TRPC4AP: variants seen among roughly 807,000 people sequenced by gnomAD.
TRPC4AP encodes the protein short transient receptor potential channel 4-associated protein.
A neutral mutation model predicts 99.0 loss-of-function variants in TRPC4AP; 45 were observed. The ratio of observed to expected loss-of-function variants is 0.45; its 90% confidence interval spans 0.36 to 0.58. The LOEUF (loss-of-function observed/expected upper bound fraction) is 0.58, where lower values mean the gene tolerates loss of function less well. Ranked by LOEUF, TRPC4AP falls within the 20% of genes least tolerant of loss-of-function variation. TRPC4AP has a pLI of 0.00. For missense variants in TRPC4AP, 879 were observed against 985.3 expected (o/e 0.89, Z 1.44); for synonymous variants, 408 against 385.8 (o/e 1.06, Z -0.67).
chr20:35,035,255 G>C lies in TRPC4AP; in HGVS notation c.919C>G (p.Arg307Gly). 14 of 1,614,088 alleles carry C rather than the reference G, an allele frequency of 8.7e-6. No individual in the cohort carries two copies. The highest frequency in any genetic ancestry group is 1.2e-5 in the Non-Finnish European group (14 of 1,180,012). Residue 307 changes from arginine to glycine, a missense_variant, in exon 8 of 19, where the codon CGA (arginine) becomes GGA (glycine). Coordinates refer to ENST00000252015, the MANE Select transcript of TRPC4AP (RefSeq NM_015638.3). ...FVERLCKLAT[R>G]KVSESTGTAS... Reference sequence around the variant, plus strand: ...GTGCCCGTTGACTCTGACACCTTTCGAGTCGCCAGTTTGCAAAGCCGCTCA... The same window carrying C: ...GTGCCCGTTGACTCTGACACCTTTCCAGTCGCCAGTTTGCAAAGCCGCTCA...
intron 2 of TRPC4AP, among the ~76,000 whole-genome samples, chr20:35,073,536 G>T (rs1267206216): frequency 1.3e-5 from 2 of 152,056 alleles, no homozygotes; most frequent in Non-Finnish European, 2.9e-5. Context: ...TTATCATGTG[G>T]TTTTTGTCTT....
At chr20:35,046,120 T>C (rs1482991588) in intron 6 of TRPC4AP, among the ~76,000 whole-genome samples, 4 of 152,244 alleles carry the variant, frequency 2.6e-5, no homozygotes, top group Non-Finnish European at 5.9e-5. Flanking sequence ...TTCTTGACTT[T>C]ACCAGAAATA....
At chr20:35,084,470 GTA>G (rs998787462) in intron 1 of TRPC4AP, among the ~76,000 whole-genome samples, 2 of 118,744 alleles carry the variant, frequency 1.7e-5, no homozygotes, top group African/African-American at 2.7e-5. Flanking sequence ...GTGTATATAT[GTA>G]TATATGTGTA....
At chr20:35,036,133 G>C (rs115467409) in intron 7 of TRPC4AP, among the ~76,000 whole-genome samples, 1 of 152,074 alleles carries the variant, frequency 6.6e-6, no homozygotes, top group African/African-American at 2.4e-5. Flanking sequence ...AATTCTGATC[G>C]GCATATTAGA....
chr20:35,087,534 G>T (rs2084921886), intron 1 of TRPC4AP, among the ~76,000 whole-genome samples: 1 of 152,086 alleles, frequency 6.6e-6, no homozygotes, highest in South Asian at 2.1e-4. Flanking sequence ...GACCTGTAAT[G>T]TGAGCTGCAC....
intron 1 of TRPC4AP, among the ~76,000 whole-genome samples, chr20:35,081,353 AG>A (rs1210695946): frequency 1.3e-5 from 2 of 151,168 alleles, no homozygotes; most frequent in South Asian, 2.1e-4. Flanking sequence ...TCTCTACCAA[AG>A]GAAAAAAAAA....
In TRPC4AP at chr20:35,024,825, CAAAAA is replaced by C. The variant is rs778161091; in HGVS notation, c.1052-3474_1052-3470del. Among the ~76,000 whole-genome samples the C allele has an allele frequency of 8.1e-4, 29 of 35,876 alleles. 4 individuals are homozygous for C. The highest frequency in any genetic ancestry group is 3.2e-3 in the Admixed American group (8 of 2,500). The allele number at this position is 35,876 out of a possible 152,430, so 23.5% of individuals were successfully genotyped here. On this transcript the variant is annotated intron_variant, in intron 8 of 18. Coordinates refer to ENST00000252015, the MANE Select transcript of TRPC4AP (RefSeq NM_015638.3). ...CCTAGGTGACAGAGAGAGACCGTCT[CAAAAA>C]AAAAAAAAAAAAAAAAAAAAAAAAA...
intron 7 of TRPC4AP, among the ~76,000 whole-genome samples, chr20:35,040,042 A>G (rs561813483): frequency 4.7e-4 from 71 of 152,062 alleles, no homozygotes; most frequent in African/African-American, 1.7e-3. Flanking sequence ...GCAACATCCT[A>G]CATATTTCAG....
In TRPC4AP at chr20:35,078,549, G is replaced by A. The variant is rs117031110; in HGVS notation, c.169-375C>T. On this transcript the variant is annotated intron_variant, in intron 1 of 18. Transcript: ENST00000252015. ...GGAACCATATAAACTGCTCAGTTAA[G>A]CCCATAAAAGGCAGAAAAAGAGGGG... Among the ~76,000 whole-genome samples, 1,201 of 152,218 alleles carry A rather than the reference G, an allele frequency of 7.9e-3. 5 individuals carry two copies. The highest frequency in any genetic ancestry group is 0.013 in the Non-Finnish European group (851 of 67,990).
At chr20:35,035,924 G>A (rs1179807594) in intron 7 of TRPC4AP, among the ~76,000 whole-genome samples, 1 of 152,060 alleles carries the variant, frequency 6.6e-6, no homozygotes, top group Non-Finnish European at 1.5e-5. Flanking sequence ...ATATACCAAG[G>A]AATTTACTGT....
At chr20:35,057,418 A>T in intron 4 of TRPC4AP, 96 bp downstream of exon 4, 1 of 970,190 alleles carries the variant, frequency 1.0e-6, no homozygotes, top group Non-Finnish European at 1.6e-6. Context: ...CCTTACTATT[A>T]AGAGTTAGGA....
intron 11 of TRPC4AP, among the ~76,000 whole-genome samples, chr20:35,010,982 C>T (rs937292165): frequency 1.3e-5 from 2 of 152,112 alleles, no homozygotes; most frequent in Non-Finnish European, 1.5e-5. Flanking sequence ...ATATTGAGGC[C>T]GGGCGCGGTG....
intron 7 of TRPC4AP, among the ~76,000 whole-genome samples, chr20:35,041,379 G>A (rs1453658479): frequency 6.6e-6 from 1 of 152,128 alleles, no homozygotes; most frequent in Non-Finnish European, 1.5e-5. Context: ...AGGAATTATG[G>A]TCAGGGTTGG....
intron 1 of TRPC4AP, among the ~76,000 whole-genome samples, chr20:35,086,543 G>GTATATA (rs1569158089): frequency 9.5e-4 from 31 of 32,618 alleles, no homozygotes; most frequent in African/African-American, 3.5e-3. Flanking sequence ...GTGTGTGTGT[G>GTATATA]TGTGTGTGTG....
At chr20:35,043,590 C>A (rs571767101) in intron 7 of TRPC4AP, among the ~76,000 whole-genome samples, 7 of 152,178 alleles carry the variant, frequency 4.6e-5, no homozygotes, top group African/African-American at 1.7e-4. Flanking sequence ...TAGTCAAGAC[C>A]CTCACAGTGG....
intron 8 of TRPC4AP, among the ~76,000 whole-genome samples, chr20:35,024,081 C>T (rs2082956938): frequency 6.6e-6 from 1 of 152,064 alleles, no homozygotes; most frequent in African/African-American, 2.4e-5. Context: ...TTGGAGCGGT[C>T]ACCACTCTCT....
At chr20:35,041,845 TA>T (rs1347288545) in intron 7 of TRPC4AP, among the ~76,000 whole-genome samples, 1 of 152,228 alleles carries the variant, frequency 6.6e-6, no homozygotes, top group East Asian at 1.9e-4. Context: ...ATGGGGATAC[TA>T]ATCTCTATTC....
chr20:35,068,597 C>T (rs970145824), intron 3 of TRPC4AP, among the ~76,000 whole-genome samples: 2 of 152,038 alleles, frequency 1.3e-5, no homozygotes, highest in African/African-American at 2.4e-5. Flanking sequence ...TCTTGGCTCA[C>T]GGCAACCTCT....
At chr20:35,071,356 T>C (rs1218037262) in intron 2 of TRPC4AP, among the ~76,000 whole-genome samples, 10 of 152,200 alleles carry the variant, frequency 6.6e-5, no homozygotes, top group African/African-American at 2.4e-4. Flanking sequence ...TATGTATACA[T>C]GTGCCATGTT....
Sources: allele counts gnomAD v4.1 joint callset (sites outside exome capture counted in the v4.1 genomes callset), GRCh38; gene constraint gnomAD v4.1.1; transcripts MANE v1.5; gene names NCBI Gene and HGNC (gene_info 2026-07-23, HGNC 2026-07-21).